The following RAG1 variants were observed in gnomAD, a reference collection of about 807,000 sequenced individuals.
The protein encoded by RAG1 is V(D)J recombination-activating protein 1.
A neutral mutation model predicts 62.7 loss-of-function variants in RAG1; 35 were observed. The ratio of observed to expected loss-of-function variants is 0.56; its 90% confidence interval spans 0.43 to 0.74. RAG1 has a LOEUF of 0.74. Ranked by LOEUF, RAG1 falls within the 30% of genes least tolerant of loss-of-function variation. RAG1 has a pLI of 0.00. For synonymous variants in RAG1, 461 were observed against 470.3 expected (o/e 0.98, Z 0.26); for missense variants, 1,169 against 1,278.6 (o/e 0.91, Z 1.31).
intron 3 of RAG1, among the ~76,000 whole-genome samples, chr11:36,543,678 G>A (rs1047030399): frequency 2.0e-5 from 3 of 152,058 alleles, no homozygotes; most frequent in Admixed American, 1.3e-4. Context: ...GATAACATGC[G>A]GGAATAAAAT....
At chr11:36,513,733 A>C (rs564651542) in intron 1 of RAG1, among the ~76,000 whole-genome samples, 2 of 152,240 alleles carry the variant, frequency 1.3e-5, no homozygotes, top group African/African-American at 2.4e-5. Flanking sequence ...CATGTCTTAC[A>C]TGGCAGCAGA....
chr11:36,513,108 G>A (rs537551232), intron 1 of RAG1, among the ~76,000 whole-genome samples: 7 of 152,234 alleles, frequency 4.6e-5, no homozygotes, highest in South Asian at 2.1e-4. Context: ...GTTCAGCCCC[G>A]TCTTTCTCTC....
intron 1 of RAG1, among the ~76,000 whole-genome samples, chr11:36,570,303 C>G (rs1850721895): frequency 6.6e-6 from 1 of 152,152 alleles, no homozygotes; most frequent in African/African-American, 2.4e-5. Context: ...CTTAATTTCT[C>G]CATGCCTTCA....
chr11:36,549,446 A>G (rs1471575446), intron 3 of RAG1, among the ~76,000 whole-genome samples: 1 of 152,248 alleles, frequency 6.6e-6, no homozygotes, highest in Non-Finnish European at 1.5e-5. Flanking sequence ...AAACAACCCT[A>G]TCAAAAAGTG....
intron 2 of RAG1, among the ~76,000 whole-genome samples, chr11:36,528,930 C>A (rs1329847260): frequency 6.6e-6 from 1 of 152,044 alleles, no homozygotes; most frequent in African/African-American, 2.4e-5. Context: ...ATATACCCTC[C>A]CAAGACTGAA....
At chr11:36,550,460 C>T (rs1298723729) in intron 3 of RAG1, among the ~76,000 whole-genome samples, 1 of 151,902 alleles carries the variant, frequency 6.6e-6, no homozygotes, top group African/African-American at 2.4e-5. Context: ...ATGAGGTGAC[C>T]CCACATTTTT....
chr11:36,574,227 G>A lies in RAG1; in HGVS notation c.923G>A (p.Cys308Tyr), dbSNP rs1209843802. The change falls in exon 2 of 2, where the codon TGT becomes TAT. Residue 308 changes from cysteine to tyrosine, a missense_variant. Around this residue, in one of 2 missense-constraint regions of RAG1, gnomAD observed 800 missense variants for 943.3 expected, o/e 0.85. Transcript: ENST00000299440. ...HILADPVETNCKHVFCRVCIL... is the reference protein window; with the variant it reads ...HILADPVETNYKHVFCRVCIL... ...CTGGCTGACCCTGTGGAGACCAACT[G>A]TAAGCATGTCTTTTGCCGGGTCTGC... The A allele has an allele frequency of 6.2e-7, 1 of 1,614,058 alleles. No homozygotes were observed. Among genetic ancestry groups the A allele is most frequent in the Non-Finnish European group, 8.5e-7 (1 of 1,180,048 alleles).
At position 36,577,501 on chromosome 11, in the gene RAG1, A is replaced by G. The variant is rs1213587134; in HGVS notation, c.*1065A>G. On this transcript the variant is annotated 3_prime_UTR_variant, in exon 2 of 2. Coordinates refer to ENST00000299440, the MANE Select transcript of RAG1 (RefSeq NM_000448.3). Reference sequence around the variant, plus strand: ...ATCAGTTTACTTTCAGTGGATTCAGAATTGTGTAGCAGGATAACCTTGTAT... The same window carrying G: ...ATCAGTTTACTTTCAGTGGATTCAGGATTGTGTAGCAGGATAACCTTGTAT... 2 of 167,002 alleles carry G rather than the reference A, an allele frequency of 1.2e-5. No homozygotes were observed. Among genetic ancestry groups the G allele is most frequent in the African/African-American group, 4.8e-5 (2 of 41,422 alleles). The allele number at this position is 167,002 out of a possible 1,614,324, so 10.3% of individuals were successfully genotyped here. A position where few individuals can be genotyped will look rare whatever the true frequency, so the allele number is the denominator to read the frequency against.
At chr11:36,529,529 C>G (rs1437187474) in intron 2 of RAG1, among the ~76,000 whole-genome samples, 1 of 152,094 alleles carries the variant, frequency 6.6e-6, no homozygotes, top group African/African-American at 2.4e-5. Context: ...AAACTCACAG[C>G]CAATATCATA....
intron 2 of RAG1, among the ~76,000 whole-genome samples, chr11:36,522,800 G>A (rs974779863): frequency 1.3e-5 from 2 of 152,230 alleles, no homozygotes; most frequent in African/African-American, 2.4e-5. Flanking sequence ...TCTTGCATCA[G>A]TGTGACCTGG....
intron 3 of RAG1, among the ~76,000 whole-genome samples, chr11:36,546,502 C>A (rs1414044127): frequency 6.6e-6 from 1 of 152,060 alleles, no homozygotes; most frequent in Non-Finnish European, 1.5e-5. Flanking sequence ...CCTGAATATG[C>A]CACATCGATG....
intron 2 of RAG1, among the ~76,000 whole-genome samples, chr11:36,534,197 A>G (rs571411355): frequency 6.6e-6 from 1 of 152,342 alleles, no homozygotes; most frequent in African/African-American, 2.4e-5. Flanking sequence ...AATTCAAATT[A>G]TAGTCTTAGA....
chr11:36,547,513 TA>T (rs1316556933), intron 3 of RAG1, among the ~76,000 whole-genome samples: 1 of 152,106 alleles, frequency 6.6e-6, no homozygotes, highest in Non-Finnish European at 1.5e-5. Context: ...GCAAATAAAC[TA>T]GAAAATCTAG....
chr11:36,523,213 T>C (rs774279821), intron 2 of RAG1, among the ~76,000 whole-genome samples: 1 of 152,228 alleles, frequency 6.6e-6, no homozygotes, highest in Non-Finnish European at 1.5e-5. Context: ...GTATCTCCCA[T>C]AATTCCCACG....
chr11:36,575,892 A>C lies in RAG1; in HGVS notation c.2588A>C (p.Lys863Thr), dbSNP rs758236480. 6.2e-6 allele frequency: 10 copies of C among 1,614,028 alleles called. No individual in the cohort carries two copies. Among genetic ancestry groups the C allele is most frequent in the African/African-American group, 1.3e-5 (1 of 74,944 alleles). ...NGNFARKLMT[K>T]ETVDAVCELI... ...AACTTTGCCAGGAAGCTCATGACCA[A>C]AGAGACTGTGGATGCAGTTTGTGAG... The change falls in exon 2 of 2, where the codon AAA becomes ACA. Residue 863 changes from lysine to threonine, a missense_variant. Coordinates refer to ENST00000299440, the MANE Select transcript of RAG1 (RefSeq NM_000448.3). The surrounding 1 kb of genome is among the most constrained non-coding windows in gnomAD (Gnocchi z 4.1).
chr11:36,517,825 C>A (rs574952160), intron 1 of RAG1, among the ~76,000 whole-genome samples: 1 of 151,936 alleles, frequency 6.6e-6, no homozygotes, highest in South Asian at 2.1e-4. Flanking sequence ...TGAGAGTGTT[C>A]GCTTTTCTTT....
intron 3 of RAG1, among the ~76,000 whole-genome samples, chr11:36,561,548 G>A (rs1167917470): frequency 6.6e-6 from 1 of 152,074 alleles, no homozygotes; most frequent in Non-Finnish European, 1.5e-5. Flanking sequence ...TTTTCTGAAT[G>A]ATATTAACAT....
intron 2 of RAG1, among the ~76,000 whole-genome samples, chr11:36,527,648 G>A (rs981514967): frequency 3.3e-5 from 5 of 152,168 alleles, no homozygotes; most frequent in Admixed American, 3.3e-4. Flanking sequence ...GTTGGGGATA[G>A]CATTGAATCT....
chr11:36,529,901 G>A (rs539194387), intron 2 of RAG1, among the ~76,000 whole-genome samples: 6 of 151,428 alleles, frequency 4.0e-5, no homozygotes, highest in African/African-American at 1.5e-4. Context: ...AATTGATGTC[G>A]ATTCCTTATT....
Sources: gnomAD v4.1 joint callset for allele counts (sites outside exome capture counted in the v4.1 genomes callset) on GRCh38, gnomAD v4.1.1 for gene constraint, gnomAD v4.1.1 regional missense constraint, Gnocchi (gnomAD v3.1) non-coding constraint, MANE v1.5 for transcripts, NCBI Gene and HGNC (gene_info 2026-07-23, HGNC 2026-07-21) for gene names.